AGAP1: variants seen among roughly 807,000 people sequenced by gnomAD.
AGAP1 encodes arf-GAP with GTPase, ANK repeat and PH domain-containing protein 1.
Under a neutral mutation model 105.3 loss-of-function variants are expected in AGAP1, and 29 were observed. That is an observed-to-expected ratio of 0.28 (90% CI 0.21 to 0.38). The LOEUF (loss-of-function observed/expected upper bound fraction) is 0.38, where lower values mean the gene tolerates loss of function less well. Among genes scored for constraint, AGAP1 ranks in the 10% least tolerant of loss-of-function variants. AGAP1 has a pLI of 1.00. For missense variants in AGAP1, 998 were observed against 1,165.1 expected (o/e 0.86, Z 2.09); for synonymous variants, 509 against 485.9 (o/e 1.05, Z -0.63).
intron 5 of AGAP1, among the ~76,000 whole-genome samples, chr2:235,745,618 T>C (rs751627328): frequency 5.9e-5 from 9 of 152,236 alleles, no homozygotes; most frequent in Non-Finnish European, 1.3e-4. Flanking sequence ...TATCCCTTCA[T>C]TTTTGTTGTG....
rs937181426 is a variant in AGAP1, at chr2:235,957,493, G to A, written c.1484-10969G>A. Among the ~76,000 whole-genome samples the A allele has an allele frequency of 6.6e-6, 1 of 152,132 alleles. No individual in the cohort carries two copies. Among genetic ancestry groups the A allele is most frequent in the Non-Finnish European group, 1.5e-5 (1 of 68,026 alleles). ...TGACATTGTGTACCTCTGTGTGAGCGGCAAAGGGAAAGGGACAATAATGCC... is the reference window on the plus strand; with the variant it reads ...TGACATTGTGTACCTCTGTGTGAGCAGCAAAGGGAAAGGGACAATAATGCC... On this transcript the variant is annotated intron_variant, in intron 12 of 17. Coordinates refer to ENST00000304032, the MANE Select transcript of AGAP1 (RefSeq NM_001037131.3). This position sits in a 1 kb window ranked among gnomAD's most constrained non-coding sequence, Gnocchi z 4.6.
chr2:235,560,563 A>G (rs1216005353), intron 1 of AGAP1, among the ~76,000 whole-genome samples: 2 of 152,204 alleles, frequency 1.3e-5, no homozygotes, highest in Non-Finnish European at 2.9e-5. Context: ...AGAAGAGGGA[A>G]GTGAAAGAGG....
chr2:235,651,223 A>G (rs1015370853), intron 1 of AGAP1, among the ~76,000 whole-genome samples: 20 of 137,090 alleles, frequency 1.5e-4, no homozygotes, highest in Non-Finnish European at 1.9e-4. Flanking sequence ...AAAAAGAGAC[A>G]CCCTTGCAGG....
intron 1 of AGAP1, among the ~76,000 whole-genome samples, chr2:235,573,101 CTTCCT>C (rs1944626567): frequency 1.6e-5 from 2 of 123,784 alleles, no homozygotes; most frequent in African/African-American, 3.0e-5. Flanking sequence ...TCTTCTTCTT[CTTCCT>C]TTTTTTTTTT....
intron 6 of AGAP1, among the ~76,000 whole-genome samples, chr2:235,779,706 TTGCAG>T (rs1212645041): frequency 6.6e-6 from 1 of 152,208 alleles, no homozygotes; most frequent in Non-Finnish European, 1.5e-5. Context: ...CCTACAGGCT[TTGCAG>T]ACTGAAGGTG....
intron 12 of AGAP1, among the ~76,000 whole-genome samples, chr2:235,954,947 G>C (rs1357867548): frequency 6.6e-6 from 1 of 152,150 alleles, no homozygotes; most frequent in Non-Finnish European, 1.5e-5. Flanking sequence ...TGGGCCACAT[G>C]GCACTGCCTC....
At position 236,056,630 on chromosome 2, in the gene AGAP1, CCTGT is replaced by C. The variant is rs1192433653; in HGVS notation, c.2114+7352_2114+7355del. On this transcript the variant is annotated intron_variant, in intron 16 of 17. Coordinates refer to ENST00000304032, the MANE Select transcript of AGAP1 (RefSeq NM_001037131.3). The surrounding 1 kb of genome is among the most constrained non-coding windows in gnomAD (Gnocchi z 4.6). ...AGCAGTCAAGCATTTTCCAAAGGGCCCTGTCTTTCAGTCGTGTTTTGCTTATTTT... is the reference window on the plus strand; with the variant it reads ...AGCAGTCAAGCATTTTCCAAAGGGCCCTTTCAGTCGTGTTTTGCTTATTTT... Among the ~76,000 whole-genome samples the C allele has an allele frequency of 1.3e-5, 2 of 152,204 alleles. No individual in the cohort carries two copies. The highest frequency in any genetic ancestry group is 1.3e-4 in the Admixed American group (2 of 15,276).
rs989564608 is a variant in AGAP1 at position 235,723,029 on chromosome 2, G to A, written c.310+5385G>A. ...TTAGACGGTCGCTGCACTTAGAACTGTTGGAGTTGGCCCCATCACTTGGTG... is the reference window on the plus strand; with the variant it reads ...TTAGACGGTCGCTGCACTTAGAACTATTGGAGTTGGCCCCATCACTTGGTG... On this transcript the variant is annotated intron_variant, in intron 3 of 17. Coordinates refer to ENST00000304032, the MANE Select transcript of AGAP1 (RefSeq NM_001037131.3). The surrounding 1 kb of genome is among the most constrained non-coding windows in gnomAD (Gnocchi z 6.2). Among the ~76,000 whole-genome samples the A allele has an allele frequency of 3.9e-5, 6 of 152,188 alleles. No homozygotes were observed. The highest frequency in any genetic ancestry group is 5.9e-5 in the Non-Finnish European group (4 of 68,044).
At chr2:235,570,451 G>A (rs1944477967) in intron 1 of AGAP1, among the ~76,000 whole-genome samples, 1 of 152,186 alleles carries the variant, frequency 6.6e-6, no homozygotes, top group Non-Finnish European at 1.5e-5. Context: ...CTTAAAAAGA[G>A]GACAAAGACT....
chr2:236,022,583 G>A (rs909302047), intron 13 of AGAP1, among the ~76,000 whole-genome samples: 1 of 152,164 alleles, frequency 6.6e-6, no homozygotes. Context: ...TGCCCAGGCT[G>A]GAGTGCAGTG....
intron 1 of AGAP1, among the ~76,000 whole-genome samples, chr2:235,643,999 A>G (rs1372161813): frequency 6.6e-6 from 1 of 152,034 alleles, no homozygotes; most frequent in Admixed American, 6.6e-5. Flanking sequence ...GTGCCTCTGT[A>G]GTAAGGGAGG....
At chr2:235,583,263 A>T (rs183027863) in intron 1 of AGAP1, among the ~76,000 whole-genome samples, 172 of 151,942 alleles carry the variant, frequency 1.1e-3, no homozygotes, top group Middle Eastern at 3.4e-3. Flanking sequence ...AGCCATAAAC[A>T]TGTCTTACTG....
At chr2:235,810,292 T>C (rs1461416205) in intron 9 of AGAP1, among the ~76,000 whole-genome samples, 1 of 152,224 alleles carries the variant, frequency 6.6e-6, no homozygotes, top group Non-Finnish European at 1.5e-5. Flanking sequence ...ACATGTTCTC[T>C]GCTCTTGTCA....
At position 235,872,151 on chromosome 2, in the gene AGAP1, A is replaced by C. The variant is rs1043951380; in HGVS notation, c.1051-11194A>C. ...CATATCAATTCCTGTCCATGAAATG[A>C]GGATAATCAATGACCATCTGGTTGT... is the stretch of plus-strand genomic sequence containing the variant. On this transcript the variant is annotated intron_variant, in intron 9 of 17. Coordinates refer to ENST00000304032, the MANE Select transcript of AGAP1 (RefSeq NM_001037131.3). The surrounding 1 kb of genome is among the most constrained non-coding windows in gnomAD (Gnocchi z 4.5). Among the ~76,000 whole-genome samples the C allele has an allele frequency of 6.6e-6, 1 of 152,202 alleles. No homozygotes were observed. Among genetic ancestry groups the C allele is most frequent in the Non-Finnish European group, 1.5e-5 (1 of 68,032 alleles).
At position 235,622,844 on chromosome 2, in the gene AGAP1, CATT is replaced by C. The variant is rs1283318607; in HGVS notation, c.164-86334_164-86332del. On this transcript the variant is annotated intron_variant, in intron 1 of 17. Coordinates refer to ENST00000304032, the MANE Select transcript of AGAP1 (RefSeq NM_001037131.3). This position sits in a 1 kb window ranked among gnomAD's most constrained non-coding sequence, Gnocchi z 5.0. ...GCTTCCTGCACCCACACTGGACAGT[CATT>C]GTAGAAAGTAAGATGTGATGTTAAT... 1.3e-5 allele frequency among the ~76,000 whole-genome samples: 2 copies of C among 152,076 alleles called. No individual in the cohort carries two copies. Among genetic ancestry groups the C allele is most frequent in the Non-Finnish European group, 2.9e-5 (2 of 68,026 alleles).
chr2:235,558,954 G>C lies in AGAP1; in HGVS notation c.163+64105G>C, dbSNP rs568532542. Reference sequence around the variant, plus strand: ...GATTTTTTTTTTTAGATAGGGTCTCGCTGTGTGTCCTAGGCCGGAGTACGG... The same window carrying C: ...GATTTTTTTTTTTAGATAGGGTCTCCCTGTGTGTCCTAGGCCGGAGTACGG... On this transcript the variant is annotated intron_variant, in intron 1 of 17. Coordinates refer to ENST00000304032, the MANE Select transcript of AGAP1 (RefSeq NM_001037131.3). 9.9e-5 allele frequency among the ~76,000 whole-genome samples: 15 copies of C among 151,978 alleles called. No individual in the cohort carries two copies. In the South Asian group the frequency reaches 3.1e-3, roughly 32 times the overall value.
intron 1 of AGAP1, among the ~76,000 whole-genome samples, chr2:235,667,078 A>G (rs934973508): frequency 6.6e-6 from 1 of 152,126 alleles, no homozygotes; most frequent in Non-Finnish European, 1.5e-5. Context: ...GACTTTTGCC[A>G]TATTTTAGTG....
At chr2:235,646,003 G>A (rs372256983) in intron 1 of AGAP1, among the ~76,000 whole-genome samples, 20 of 152,056 alleles carry the variant, frequency 1.3e-4, no homozygotes, top group Non-Finnish European at 2.5e-4. Flanking sequence ...CTGGGCGGGC[G>A]CAGTGGTTCA....
intron 13 of AGAP1, among the ~76,000 whole-genome samples, chr2:236,029,711 C>T (rs2057168224): frequency 6.6e-6 from 1 of 151,726 alleles, no homozygotes; most frequent in Admixed American, 6.6e-5. Flanking sequence ...CTTTCCCTTT[C>T]TTTTCTCTTC....
Sources: allele counts gnomAD v4.1 joint callset (sites outside exome capture counted in the v4.1 genomes callset), GRCh38; gene constraint gnomAD v4.1.1; non-coding constraint Gnocchi (gnomAD v3.1); transcripts MANE v1.5; gene names NCBI Gene and HGNC (gene_info 2026-07-23, HGNC 2026-07-21).